RAP1A: variants seen among roughly 807,000 people sequenced by gnomAD.
The protein encoded by RAP1A is ras-related protein Rap-1A.
Under a neutral mutation model 26.4 loss-of-function variants are expected in RAP1A, and 6 were observed. The observed-to-expected ratio is 0.23, with a 90% CI of 0.12 to 0.45. The LOEUF (loss-of-function observed/expected upper bound fraction) is 0.45, where lower values mean the gene tolerates loss of function less well. Among genes scored for constraint, RAP1A ranks in the 20% least tolerant of loss-of-function variants. The probability of loss-of-function intolerance (pLI) is 0.99; values close to 1 mark genes in which losing one functional copy is unlikely to be tolerated. For synonymous variants in RAP1A, 73 were observed against 79.4 expected (o/e 0.92, Z 0.43); for missense variants, 121 against 217.2 (o/e 0.56, Z 2.78).
intron 1 of RAP1A, among the ~76,000 whole-genome samples, chr1:111,587,683 A>G (rs1049932228): frequency 1.3e-5 from 2 of 152,112 alleles, no homozygotes; most frequent in Non-Finnish European, 2.9e-5. Flanking sequence ...TCTACCTATT[A>G]TTGTTGCCTC....
chr1:111,650,448 C>T (rs1426605703), intron 1 of RAP1A: 2 of 152,172 alleles, frequency 1.3e-5, no homozygotes, highest in African/African-American at 4.8e-5. Flanking sequence ...TGGAATGCTT[C>T]ATGAATTTGT....
intron 1 of RAP1A, among the ~76,000 whole-genome samples, chr1:111,657,834 G>A (rs77443595): frequency 0.022 from 3,307 of 152,030 alleles, 105 homozygotes; most frequent in African/African-American, 0.075. Flanking sequence ...TTTTCATTCT[G>A]TTCAAAATAC....
intron 1 of RAP1A, chr1:111,648,839 G>T: frequency 4.2e-6 from 3 of 714,134 alleles, no homozygotes; most frequent in South Asian, 2.8e-5. Flanking sequence ...TGTCTGCCAT[G>T]ATCTTGCTGT....
chr1:111,642,644 C>T (rs1022368237), intron 1 of RAP1A, among the ~76,000 whole-genome samples: 7 of 151,988 alleles, frequency 4.6e-5, no homozygotes, highest in African/African-American at 9.7e-5. Flanking sequence ...CCTGCCACCA[C>T]GCGCGGCTAG....
rs1374977226 is a variant in RAP1A, at chr1:111,607,259, A to AAAGC, written c.-28+64752_-28+64755dup. On this transcript the variant is annotated intron_variant, in intron 1 of 7. Coordinates refer to the RAP1A transcript ENST00000356415. ...TGCTGCCTTCAAGCATCTGTTTAAC[A>AAAGC]AAGCACATCTTGCACTGCCCTTAAT... Among the ~76,000 whole-genome samples, 6 of 152,180 alleles carry AAAGC rather than the reference A, an allele frequency of 3.9e-5. No homozygotes were observed. The Middle Eastern group carries it at 0.01, about 261-fold the overall frequency.
intron 7 of RAP1A, among the ~76,000 whole-genome samples, chr1:111,711,515 A>G (rs1022103863): frequency 6.6e-6 from 1 of 152,224 alleles, no homozygotes; most frequent in African/African-American, 2.4e-5. Context: ...TCTTGCTTGC[A>G]TAAATTCTTA....
intron 1 of RAP1A, among the ~76,000 whole-genome samples, chr1:111,544,089 G>A (rs1360344482): frequency 3.3e-5 from 5 of 152,180 alleles, no homozygotes; most frequent in Non-Finnish European, 7.3e-5. Flanking sequence ...AGTCAAATTT[G>A]CCATTTGTCC....
At chr1:111,628,629 A>G (rs1416121631) in intron 1 of RAP1A, among the ~76,000 whole-genome samples, 8 of 152,208 alleles carry the variant, frequency 5.3e-5, no homozygotes, top group Admixed American at 5.2e-4. Context: ...GAGGTTGAAG[A>G]CAGGGAATCT....
chr1:111,568,782 G>A (rs1047497601), intron 1 of RAP1A, among the ~76,000 whole-genome samples: 5 of 151,584 alleles, frequency 3.3e-5, no homozygotes, highest in East Asian at 1.9e-4. Context: ...CATCTCTTCC[G>A]CCCCTGCCAC....
chr1:111,671,479 C>CT (rs987067756), intron 1 of RAP1A, among the ~76,000 whole-genome samples: 47 of 147,102 alleles, frequency 3.2e-4, no homozygotes, highest in Non-Finnish European at 5.2e-4. Context: ...TTCTTTCTTT[C>CT]TTTTTTTTTG....
chr1:111,549,522 C>A (rs1312475441), intron 1 of RAP1A, among the ~76,000 whole-genome samples: 1 of 151,544 alleles, frequency 6.6e-6, no homozygotes. Context: ...TGGTGGCATG[C>A]GCCTGTAGTC....
chr1:111,702,788 G>C (rs1159098872), intron 4 of RAP1A, among the ~76,000 whole-genome samples: 5 of 152,196 alleles, frequency 3.3e-5, no homozygotes, highest in African/African-American at 1.2e-4. Context: ...TTGAACTCCT[G>C]ACCTGGGGTG....
At chr1:111,632,921 CAAAA>C (rs59053038) in intron 1 of RAP1A, among the ~76,000 whole-genome samples, 4 of 68,778 alleles carry the variant, frequency 5.8e-5, no homozygotes, top group Non-Finnish European at 8.0e-5. Flanking sequence ...AACTTGGTCT[CAAAA>C]AAAAAAAAAA....
chr1:111,580,083 A>C (rs994052941), intron 1 of RAP1A, among the ~76,000 whole-genome samples: 40 of 152,334 alleles, frequency 2.6e-4, no homozygotes, highest in African/African-American at 9.1e-4. Flanking sequence ...GGTGTGAGAC[A>C]CTGCTCCCGG....
intron 1 of RAP1A, among the ~76,000 whole-genome samples, chr1:111,590,124 G>A (rs1333680160): frequency 6.6e-6 from 1 of 151,930 alleles, no homozygotes; most frequent in East Asian, 1.9e-4. Flanking sequence ...GCTGATTTTT[G>A]CATTTTAATC....
intron 1 of RAP1A, among the ~76,000 whole-genome samples, chr1:111,689,696 G>C (rs1661608985): frequency 6.6e-6 from 1 of 151,982 alleles, no homozygotes; most frequent in Non-Finnish European, 1.5e-5. Flanking sequence ...TTGAGACGCA[G>C]TCTCGCTCTG....
chr1:111,602,976 CCTT>C (rs1335181485), intron 1 of RAP1A, among the ~76,000 whole-genome samples: 1 of 152,174 alleles, frequency 6.6e-6, no homozygotes, highest in Admixed American at 6.5e-5. Context: ...AATCACCTCT[CCTT>C]ATAGTAATTC....
chr1:111,700,420 G>C (rs547829778), intron 4 of RAP1A, among the ~76,000 whole-genome samples: 1 of 152,242 alleles, frequency 6.6e-6, no homozygotes, highest in South Asian at 2.1e-4. Context: ...GAGTGAGCGG[G>C]AGATGCCACA....
chr1:111,641,609 A>C (rs371574991), intron 1 of RAP1A, among the ~76,000 whole-genome samples: 37 of 152,006 alleles, frequency 2.4e-4, no homozygotes, highest in Non-Finnish European at 4.9e-4. Flanking sequence ...CAGTTTCTCT[A>C]TCTTCTAGAA....
Sources: allele counts gnomAD v4.1 joint callset (sites outside exome capture counted in the v4.1 genomes callset), GRCh38; gene constraint gnomAD v4.1.1; transcripts MANE v1.5; gene names NCBI Gene and HGNC (gene_info 2026-07-23, HGNC 2026-07-21).